NIBAN3: variants seen among roughly 807,000 people sequenced by gnomAD.
The protein encoded by NIBAN3 is niban apoptosis regulator 3, also known as protein Niban 3.
A neutral mutation model predicts 76.4 loss-of-function variants in NIBAN3; 66 were observed. The ratio of observed to expected loss-of-function variants is 0.86; its 90% CI spans 0.71 to 1.06. The LOEUF is 1.06. Among genes scored for constraint, NIBAN3 ranks in the 50% least tolerant of loss-of-function variants. The probability of loss-of-function intolerance (pLI) is 0.00; values close to 1 mark genes in which losing one functional copy is unlikely to be tolerated. For missense variants in NIBAN3, 808 were observed against 810.7 expected (o/e 1.00, Z 0.04); for synonymous variants, 360 against 355.2 (o/e 1.01, Z -0.15).
intron 13 of NIBAN3, among the ~76,000 whole-genome samples, chr19:17,547,350 CTTTTTTTTT>C (rs1161818189): frequency 1.6e-5 from 1 of 62,702 alleles, no homozygotes; most frequent in African/African-American, 6.9e-5. Context: ...GAGACTATGT[CTTTTTTTTT>C]TTTTTTTTTT....
At position 17,543,393 on chromosome 19, in the gene NIBAN3, C is replaced by A. The variant is rs1223539031; in HGVS notation, c.1406C>A (p.Ala469Asp). Residue 469 changes from alanine to aspartate, a missense_variant, in exon 11 of 15, where the codon GCT (alanine) becomes GAT (aspartate). Physicochemically the swap from Ala to Asp is moderately radical, Grantham distance 126. Transcript: ENST00000599164. ...CLTTALNCDQAAQRLERVRGR... is the reference protein window; with the variant it reads ...CLTTALNCDQDAQRLERVRGR... Reference sequence around the variant, plus strand: ...ACGACGGCCCTCAACTGTGACCAGGCTGCCCAGAGGCTGGAGAGAGTCAGG... The same window carrying A: ...ACGACGGCCCTCAACTGTGACCAGGATGCCCAGAGGCTGGAGAGAGTCAGG... 1.9e-6 allele frequency: 3 copies of A among 1,609,474 alleles called. No individual in the cohort carries two copies. The highest frequency in any genetic ancestry group is 3.3e-5 in the Admixed American group (2 of 59,826).
At chr19:17,534,069 G>T (rs2075780121) in intron 4 of NIBAN3, among the ~76,000 whole-genome samples, 1 of 152,200 alleles carries the variant, frequency 6.6e-6, no homozygotes, top group African/African-American at 2.4e-5. Flanking sequence ...TGGGTGCACT[G>T]TCTCATGCCT....
At chr19:17,528,461 A>G (rs1161285869) in intron 1 of NIBAN3, among the ~76,000 whole-genome samples, 3 of 152,142 alleles carry the variant, frequency 2.0e-5, no homozygotes, top group African/African-American at 7.2e-5. Flanking sequence ...GGTGGGAGGC[A>G]TAGGGCCAAG....
chr19:17,539,529 C>T, intron 7 of NIBAN3, 74 bp from the exon 8 acceptor site: 2 of 1,466,892 alleles, frequency 1.4e-6, no homozygotes, highest in Non-Finnish European at 1.8e-6. Context: ...GTCGCCTAAA[C>T]CCTCTCCCGA....
At chr19:17,555,437 T>A (rs1335602017), downstream of NIBAN3, among the ~76,000 whole-genome samples, 1 of 152,002 alleles carries the variant, frequency 6.6e-6, no homozygotes, top group Admixed American at 6.6e-5. Context: ...GAAGCGCGGG[T>A]TCCTAACCCT....
rs1171345763 is a variant in NIBAN3, at chr19:17,539,039, T to C, written c.596-111T>C. On this transcript the variant is annotated intron_variant, in intron 5 of 14. Transcript: ENST00000599164. ...CATTGCCTATGCAAAGTTCCAGAGA[T>C]GGGTGAGACTTGGGTGTTGGGGACC... The C allele has an allele frequency of 7.1e-6, 6 of 842,188 alleles. No homozygotes were observed. In the Admixed American group the frequency reaches 8.0e-5, roughly 11 times the overall value. 52.2% of individuals were successfully genotyped at this position (842,188 alleles called of 1,614,324 possible).
upstream of NIBAN3, chr19:17,523,349 G>A (rs1428136549): frequency 1.6e-6 from 2 of 1,242,062 alleles, no homozygotes; most frequent in East Asian, 2.6e-5. Flanking sequence ...GGCTGTGCAG[G>A]GTGAGAGTGG....
At position 17,552,083 on chromosome 19, in the gene NIBAN3, T is replaced by TC. The variant is rs2076166782; in HGVS notation, c.*185_*186insC. The TC allele has an allele frequency of 7.9e-6, 3 of 378,616 alleles. No individual in the cohort carries two copies. In the East Asian group the frequency reaches 1.2e-4, roughly 15 times the overall value. The allele number at this position is 378,616 out of a possible 1,614,324, so 23.5% of individuals were successfully genotyped here. A position where few individuals can be genotyped will look rare whatever the true frequency, so the allele number is the denominator to read the frequency against. ...CCCCAAGGCTTTCTTTATTTTAATT[T>TC]TTTTTTTTTTTTTGAGACTGAGTCT... is the stretch of plus-strand genomic sequence containing the variant. On this transcript the variant is annotated 3_prime_UTR_variant, in exon 15 of 15. Coordinates refer to ENST00000599164, the MANE Select transcript of NIBAN3 (RefSeq NM_001321827.2).
At chr19:17,547,394 A>G (rs139228760) in intron 13 of NIBAN3, among the ~76,000 whole-genome samples, 86,514 of 97,732 alleles carry the variant, frequency 0.89, 38,576 homozygotes, top group Middle Eastern at 0.97. Flanking sequence ...TCGCTCTGTC[A>G]CCCAGGCTGG....
chr19:17,550,145 A>T (rs1160586814), intron 14 of NIBAN3, among the ~76,000 whole-genome samples: 1 of 151,938 alleles, frequency 6.6e-6, no homozygotes, highest in Non-Finnish European at 1.5e-5. Flanking sequence ...TAATCCTAGG[A>T]CTTAGGGGGC....
chr19:17,525,913 A>G (rs8105166), upstream of NIBAN3, among the ~76,000 whole-genome samples: 10,219 of 152,046 alleles, frequency 0.067, 402 homozygotes, highest in Admixed American at 0.12. Context: ...CAGCCTGGCC[A>G]ACACAGGGAA....
At chr19:17,543,225 GT>G in intron 10 of NIBAN3, 91 bp from the exon 11 acceptor site, 1 of 802,086 alleles carries the variant, frequency 1.2e-6, no homozygotes. Flanking sequence ...GTTGGAACAG[GT>G]TGGATGCTGA....
At chr19:17,550,250 C>G (rs6512201) in intron 14 of NIBAN3, among the ~76,000 whole-genome samples, 134,503 of 152,258 alleles carry the variant, frequency 0.88, 59,886 homozygotes, top group Middle Eastern at 0.96. Context: ...TCCAAGATGG[C>G]CATAATTTGG....
intron 14 of NIBAN3, chr19:17,549,820 CTCTCTCT>C: frequency 5.8e-6 from 3 of 515,254 alleles, no homozygotes; most frequent in South Asian, 3.3e-5. Flanking sequence ...CTCTCTCTCT[CTCTCTCT>C]TTTTTTTTTT....
Position 17,553,168 on chromosome 19 carries a change from T to C in NIBAN3, c.*1270T>C, listed in dbSNP as rs912406649. The C allele has an allele frequency of 2.3e-6, 3 of 1,279,724 alleles. No individual in the cohort carries two copies. The allele number at this position is 1,279,724 out of a possible 1,614,324, so 79.3% of individuals were successfully genotyped here. A position where few individuals can be genotyped will look rare whatever the true frequency, so the allele number is the denominator to read the frequency against. On this transcript the variant is annotated 3_prime_UTR_variant, in exon 15 of 15. Coordinates refer to ENST00000599164, the MANE Select transcript of NIBAN3 (RefSeq NM_001321827.2). ...GTGAATTGCCTGTTCATAGCTTTTT[T>C]CTACTTTTCAGGAGTGTTTGCATTT...
intron 12 of NIBAN3, chr19:17,546,396 A>T: frequency 3.7e-6 from 1 of 267,252 alleles, no homozygotes; most frequent in Non-Finnish European, 6.0e-6. Flanking sequence ...TTGTACTTTT[A>T]GTAGAGACGG....
At chr19:17,540,244 C>T in intron 8 of NIBAN3, 148 bp from the exon 9 acceptor site, 1 of 542,534 alleles carries the variant, frequency 1.8e-6, no homozygotes, top group South Asian at 5.4e-5. Context: ...GGGCCCGCCC[C>T]TCCGAGGCTC....
chr19:17,549,383 C>T (rs2144782710), intron 13 of NIBAN3, 61 bp from the exon 14 acceptor site: 1 of 1,161,566 alleles, frequency 8.6e-7, no homozygotes, highest in Non-Finnish European at 1.3e-6. Context: ...TGGGAAAATG[C>T]AGGGAAGCCC....
At chr19:17,544,252 C>T (rs994160126) in intron 12 of NIBAN3, among the ~76,000 whole-genome samples, 2 of 152,106 alleles carry the variant, frequency 1.3e-5, no homozygotes, top group East Asian at 1.9e-4. Context: ...GCTAGGATCG[C>T]ACCACTGCAC....
Sources: gnomAD v4.1 joint callset for allele counts (sites outside exome capture counted in the v4.1 genomes callset) on GRCh38, gnomAD v4.1.1 for gene constraint, MANE v1.5 for transcripts, NCBI Gene and HGNC (gene_info 2026-07-23, HGNC 2026-07-21) for gene names.